ARHGEF9: variants seen among roughly 807,000 people sequenced by gnomAD.
The protein encoded by ARHGEF9 is rho guanine nucleotide exchange factor 9.
In ARHGEF9, 2 loss-of-function variants were observed where a neutral mutation model predicts 41.3. The ratio of observed to expected loss-of-function variants is 0.05; its 90% CI spans 0.02 to 0.15. The LOEUF (loss-of-function observed/expected upper bound fraction) is 0.15. Among genes scored for constraint, ARHGEF9 ranks in the 10% least tolerant of loss-of-function variants. The probability of loss-of-function intolerance (pLI) is 1.00; values close to 1 mark genes in which losing one functional copy is unlikely to be tolerated. For missense variants in ARHGEF9, 225 were observed against 424.7 expected (o/e 0.53, Z 4.13); for synonymous variants, 160 against 154.4 (o/e 1.04, Z -0.27).
chrX:63,754,713 G>T (rs782424153), intron 1 of ARHGEF9: 2 of 953,986 alleles, frequency 2.1e-6, no homozygotes, highest in Admixed American at 1.1e-4. Context: ...GGTTAGAGAA[G>T]GGCTGGGTTT....
intron 3 of ARHGEF9, among the ~76,000 whole-genome samples, chrX:63,699,894 T>C (rs868942007): frequency 7.8e-4 from 88 of 112,327 alleles, no homozygotes; most frequent in African/African-American, 2.6e-3. Context: ...TATACACATA[T>C]GGACAGATTT....
intron 1 of ARHGEF9, among the ~76,000 whole-genome samples, chrX:63,758,051 G>T (rs1360142504): frequency 1.8e-5 from 2 of 110,336 alleles, no homozygotes; most frequent in Non-Finnish European, 3.8e-5. Context: ...AAGTGTTGGG[G>T]TTTTTTTGTG....
chrX:63,781,077 A>G (rs1354697127), intron 1 of ARHGEF9, among the ~76,000 whole-genome samples: 2 of 112,382 alleles, frequency 1.8e-5, no homozygotes, highest in Non-Finnish European at 3.8e-5. Context: ...ATGAAAATTG[A>G]AAGGTGTAAT....
chrX:63,660,449 T>C (rs2049146054), intron 7 of ARHGEF9, among the ~76,000 whole-genome samples: 1 of 111,559 alleles, frequency 9.0e-6, no homozygotes, highest in African/African-American at 3.3e-5. Flanking sequence ...ACTATGTTCA[T>C]TACCTGCGTG....
intron 4 of ARHGEF9, among the ~76,000 whole-genome samples, chrX:63,683,168 C>T (rs1400516781): frequency 9.1e-6 from 1 of 109,972 alleles, no homozygotes; most frequent in Non-Finnish European, 1.9e-5. Context: ...AAAAAAAAAT[C>T]AGTGTACAAA....
intron 1 of ARHGEF9, among the ~76,000 whole-genome samples, chrX:63,765,159 C>T (rs2056093752): frequency 9.0e-6 from 1 of 110,680 alleles, no homozygotes; most frequent in African/African-American, 3.3e-5. Context: ...AAATGAGTCC[C>T]AGTTCCCACC....
chrX:63,680,495 C>A (rs1262685280), intron 4 of ARHGEF9, among the ~76,000 whole-genome samples: 3 of 111,845 alleles, frequency 2.7e-5, no homozygotes, highest in East Asian at 2.8e-4. Context: ...CCACCCAGAT[C>A]TCTGAAAAGA....
At chrX:63,708,318 C>A (rs1410023115) in intron 2 of ARHGEF9, among the ~76,000 whole-genome samples, 4 of 111,991 alleles carry the variant, frequency 3.6e-5, no homozygotes, top group Admixed American at 9.5e-5. Flanking sequence ...AGAATCATTT[C>A]TTTTCTTCTT....
intron 3 of ARHGEF9, among the ~76,000 whole-genome samples, chrX:63,700,224 G>T (rs1296433095): frequency 7.2e-5 from 8 of 111,887 alleles, no homozygotes; most frequent in Non-Finnish European, 1.5e-4. Context: ...AAAAATAAGC[G>T]ATGAGACATA....
chrX:63,733,360 C>G (rs2054429269), intron 1 of ARHGEF9, among the ~76,000 whole-genome samples: 1 of 112,025 alleles, frequency 8.9e-6, no homozygotes, highest in Non-Finnish European at 1.9e-5. Context: ...TGCTAAAGAT[C>G]TGCACTGGTG....
At chrX:63,638,590 A>G (rs182811005) in intron 9 of ARHGEF9, 9 of 324,116 alleles carry the variant, frequency 2.8e-5, no homozygotes, top group African/African-American at 2.4e-4. Context: ...TTTCCAAGAC[A>G]CCAGAATCCC....
chrX:63,752,043 C>T (rs2055672610), intron 1 of ARHGEF9, among the ~76,000 whole-genome samples: 1 of 111,937 alleles, frequency 8.9e-6, no homozygotes, highest in South Asian at 3.7e-4. Flanking sequence ...TCCCTTATTG[C>T]TGTCCCAGTT....
intron 1 of ARHGEF9, among the ~76,000 whole-genome samples, chrX:63,740,189 T>C (rs1290414659): frequency 8.9e-6 from 1 of 112,198 alleles, no homozygotes; most frequent in African/African-American, 3.2e-5. Flanking sequence ...CAAAGCTACA[T>C]GACCACCTAA....
chrX:63,645,690 C>G (rs1473679765), intron 8 of ARHGEF9, among the ~76,000 whole-genome samples: 1 of 111,752 alleles, frequency 8.9e-6, no homozygotes, highest in Non-Finnish European at 1.9e-5. Context: ...AATAAACATA[C>G]GTGTGCATGT....
chrX:63,724,462 G>T (rs1310339236), intron 2 of ARHGEF9, 70 bp downstream of exon 2: 4 of 1,098,435 alleles, frequency 3.6e-6, no homozygotes, highest in Non-Finnish European at 5.0e-6. Flanking sequence ...GGAGAACAGA[G>T]GCTGGTGAAG....
intron 2 of ARHGEF9, chrX:63,719,968 AG>A (rs2053545136): frequency 3.7e-6 from 1 of 267,281 alleles, no homozygotes; most frequent in Non-Finnish European, 6.6e-6. Context: ...GAAGCTAAAA[AG>A]GAAGTTTCTT....
intron 1 of ARHGEF9, chrX:63,755,123 C>A: frequency 1.1e-6 from 1 of 938,945 alleles, no homozygotes; most frequent in Non-Finnish European, 1.3e-6. Context: ...CTCTCCCCAT[C>A]CCCCGCTCAG....
At chrX:63,684,822 C>T (rs1302762990) in intron 4 of ARHGEF9, among the ~76,000 whole-genome samples, 1 of 109,153 alleles carries the variant, frequency 9.2e-6, no homozygotes, top group African/African-American at 3.3e-5. Flanking sequence ...TCATTTGTCA[C>T]AACATGGAGG....
chrX:63,659,206 T>C (rs1556339187), intron 7 of ARHGEF9, among the ~76,000 whole-genome samples: 1 of 112,104 alleles, frequency 8.9e-6, no homozygotes, highest in South Asian at 3.7e-4. Context: ...CCCCAGAGTT[T>C]CCTCTGGTTG....
Sources: allele counts gnomAD v4.1 joint callset (sites outside exome capture counted in the v4.1 genomes callset), GRCh38; gene constraint gnomAD v4.1.1; transcripts MANE v1.5; gene names NCBI Gene and HGNC (gene_info 2026-07-23, HGNC 2026-07-21).